The following PTCHD4 variants were observed in gnomAD, a reference collection of about 807,000 sequenced individuals.
The protein encoded by PTCHD4 is patched domain containing 4, also known as patched domain-containing protein 4.
A neutral mutation model predicts 58.1 loss-of-function variants in PTCHD4; 33 were observed. The ratio of observed to expected loss-of-function variants is 0.57; its 90% confidence interval spans 0.43 to 0.76. The LOEUF (loss-of-function observed/expected upper bound fraction) is 0.76. Ranked by LOEUF, PTCHD4 falls within the 30% of genes least tolerant of loss-of-function variation. The pLI is 0.00. For missense variants in PTCHD4, 1,058 were observed against 1,027.1 expected (o/e 1.03, Z -0.41); for synonymous variants, 478 against 409.6 (o/e 1.17, Z -2.02).
At chr6:47,905,352 G>A (rs1355436878) in intron 4 of PTCHD4, among the ~76,000 whole-genome samples, 1 of 152,136 alleles carries the variant, frequency 6.6e-6, no homozygotes, top group African/African-American at 2.4e-5. Flanking sequence ...GGTTTGCAGT[G>A]GCTTAGTAGA....
intron 4 of PTCHD4, among the ~76,000 whole-genome samples, chr6:47,909,160 T>C (rs764188836): frequency 5.3e-5 from 8 of 152,158 alleles, no homozygotes; most frequent in Admixed American, 1.3e-4. Flanking sequence ...AAGGGAACTG[T>C]AATCCTGAGA....
At chr6:47,884,598 C>T (rs554794727) in intron 4 of PTCHD4, among the ~76,000 whole-genome samples, 3 of 152,282 alleles carry the variant, frequency 2.0e-5, no homozygotes, top group African/African-American at 4.8e-5. Flanking sequence ...TATATTATTT[C>T]CCAGTACCCA....
chr6:48,097,486 G>A (rs889022392), intron 1 of PTCHD4, among the ~76,000 whole-genome samples: 2 of 152,076 alleles, frequency 1.3e-5, no homozygotes, highest in Non-Finnish European at 2.9e-5. Context: ...ATTCCAAGTA[G>A]CATGCTCATT....
intron 3 of PTCHD4, among the ~76,000 whole-genome samples, chr6:48,058,761 C>G (rs751516150): frequency 6.6e-6 from 1 of 152,080 alleles, no homozygotes; most frequent in African/African-American, 2.4e-5. Flanking sequence ...GACAAGGGTC[C>G]AAGAGATCTT....
At position 47,876,810 on chromosome 6, in the gene PTCHD4, C is replaced by T. The variant is rs1763860100; in HGVS notation, c.*1493G>A. Among the ~76,000 whole-genome samples the T allele has an allele frequency of 6.6e-6, 1 of 152,016 alleles. No homozygotes were observed. Among genetic ancestry groups the T allele is most frequent in the Non-Finnish European group, 1.5e-5 (1 of 67,972 alleles). The stretch of plus-strand genomic sequence containing the variant: ...GGCACAGCAATAGTCCAAGTAAGCA[C>T]CCAACAGGTGCTTGGGAGTAGTTTT... On this transcript the variant is annotated 3_prime_UTR_variant, in exon 5 of 5. Transcript: ENST00000339488.
intron 1 of PTCHD4, among the ~76,000 whole-genome samples, chr6:48,106,740 C>A (rs547204514): frequency 6.6e-6 from 1 of 152,166 alleles, no homozygotes; most frequent in African/African-American, 2.4e-5. Context: ...AGCTGATAAG[C>A]AACTTCAGCA....
intron 4 of PTCHD4, among the ~76,000 whole-genome samples, chr6:47,999,594 C>G (rs1483833703): frequency 6.6e-6 from 1 of 152,170 alleles, no homozygotes; most frequent in Non-Finnish European, 1.5e-5. Context: ...ATCCTAAACA[C>G]TGTGCTGGTT....
rs1328611730 is a variant in PTCHD4, at chr6:47,859,679, G to T, written c.*18624C>A. 6.6e-6 allele frequency among the ~76,000 whole-genome samples: 1 copy of T among 151,978 alleles called. No individual in the cohort carries two copies. The highest frequency in any genetic ancestry group is 6.6e-5 in the Admixed American group (1 of 15,228). Reference sequence around the variant, plus strand: ...CCCTTAGAGCTTTCAATTTACTGGGGACAGACAGACAATAAACAAATCCCA... The same window carrying T: ...CCCTTAGAGCTTTCAATTTACTGGGTACAGACAGACAATAAACAAATCCCA... On this transcript the variant is annotated 3_prime_UTR_variant, in exon 5 of 5. Transcript: ENST00000339488.
At chr6:48,097,878 T>C (rs1765507264) in intron 1 of PTCHD4, among the ~76,000 whole-genome samples, 1 of 152,098 alleles carries the variant, frequency 6.6e-6, no homozygotes, top group Admixed American at 6.6e-5. Context: ...ATAGGATGAG[T>C]CTGGCCAAGC....
At chr6:47,937,112 C>A (rs1159132554) in intron 4 of PTCHD4, among the ~76,000 whole-genome samples, 7 of 152,194 alleles carry the variant, frequency 4.6e-5, no homozygotes, top group African/African-American at 1.7e-4. Flanking sequence ...CCCTTGCAGG[C>A]CACTGTGAGG....
At chr6:47,944,376 T>C (rs1266588479) in intron 4 of PTCHD4, among the ~76,000 whole-genome samples, 1 of 152,150 alleles carries the variant, frequency 6.6e-6, no homozygotes, top group East Asian at 1.9e-4. Context: ...TTGCAACCCA[T>C]TTTTGAAACA....
At chr6:48,028,883 C>T (rs1254737755) in intron 3 of PTCHD4, among the ~76,000 whole-genome samples, 2 of 151,690 alleles carry the variant, frequency 1.3e-5, no homozygotes, top group Non-Finnish European at 2.9e-5. Context: ...TCAGGTGGCC[C>T]CCAGAAAATC....
chr6:47,894,759 A>T (rs547686475), intron 4 of PTCHD4, among the ~76,000 whole-genome samples: 86 of 152,368 alleles, frequency 5.6e-4, no homozygotes, highest in African/African-American at 2.0e-3. Context: ...CTTGTGATAA[A>T]TTTTATTCTT....
intron 1 of PTCHD4, among the ~76,000 whole-genome samples, chr6:48,095,310 C>T (rs534173475): frequency 2.0e-5 from 3 of 152,248 alleles, no homozygotes; most frequent in East Asian, 1.9e-4. Flanking sequence ...ATTGCACCTA[C>T]GAAGATATAC....
Position 47,872,908 on chromosome 6 carries a change from T to C in PTCHD4, c.*5395A>G. ...TTATAAGAAAAGCAAGTGGCTTCTC[T>C]ATCAGCAATAGAGAGTCCTCATTAA... On this transcript the variant is annotated 3_prime_UTR_variant, in exon 5 of 5. Coordinates refer to ENST00000339488, the MANE Select transcript of PTCHD4 (RefSeq NM_001384253.1). Among the ~76,000 whole-genome samples the C allele has an allele frequency of 6.6e-6, 1 of 151,784 alleles. No individual in the cohort carries two copies. Among genetic ancestry groups the C allele is most frequent in the Non-Finnish European group, 1.5e-5 (1 of 67,752 alleles).
chr6:47,957,144 G>C (rs1277336158), intron 4 of PTCHD4, among the ~76,000 whole-genome samples: 1 of 150,116 alleles, frequency 6.7e-6, no homozygotes, highest in Non-Finnish European at 1.5e-5. Flanking sequence ...CAGCCTGGGT[G>C]ACAGAGTGAG....
At chr6:48,039,609 T>G (rs1763771527) in intron 3 of PTCHD4, among the ~76,000 whole-genome samples, 2 of 152,142 alleles carry the variant, frequency 1.3e-5, no homozygotes, top group Admixed American at 1.3e-4. Context: ...ATGTATGATG[T>G]ATTACACAAT....
Position 48,068,224 on chromosome 6 carries a change from G to C in PTCHD4, c.417+6C>G. ...AAAAAGTATAATTATAGCCCTTGTG[G>C]TTCACCTTCATTTCCAGCACGGCTC... On this transcript the variant is annotated splice_donor_region_variant and intron_variant, in intron 3 of 4. Transcript: ENST00000339488. The surrounding 1 kb of genome is among the most constrained non-coding windows in gnomAD (Gnocchi z 4.2). 1 of 1,554,722 alleles carries C rather than the reference G, an allele frequency of 6.4e-7. No homozygotes were observed. Among genetic ancestry groups the C allele is most frequent in the Non-Finnish European group, 8.7e-7 (1 of 1,149,720 alleles).
At chr6:48,012,138 T>C (rs1762697266) in intron 3 of PTCHD4, among the ~76,000 whole-genome samples, 2 of 152,244 alleles carry the variant, frequency 1.3e-5, no homozygotes, top group African/African-American at 4.8e-5. Context: ...GGGAATAGCA[T>C]TGAATCTATA....
Sources: allele counts gnomAD v4.1 joint callset (sites outside exome capture counted in the v4.1 genomes callset), GRCh38; gene constraint gnomAD v4.1.1; non-coding constraint Gnocchi (gnomAD v3.1); transcripts MANE v1.5; gene names NCBI Gene and HGNC (gene_info 2026-07-23, HGNC 2026-07-21).